Variants in GPC5 observed in about 807,000 individuals in gnomAD.
GPC5 encodes glypican 5, also known as glypican-5.
In GPC5, 47 loss-of-function variants were observed where a neutral mutation model predicts 53.9. The ratio of observed to expected loss-of-function variants is 0.87; its 90% confidence interval spans 0.69 to 1.11. GPC5 has a LOEUF of 1.11. Ranked by LOEUF, GPC5 falls within the 50% of genes most tolerant of loss-of-function variation. The pLI, the probability that GPC5 is intolerant of heterozygous loss-of-function variation, is 0.00. For missense variants in GPC5, 748 were observed against 713.1 expected, an observed-to-expected ratio of 1.05 and a Z score of -0.56; for synonymous variants, 286 against 263.3, an observed-to-expected ratio of 1.09 and a Z score of -0.84.
At chr13:92,729,992 T>C (rs1459643082) in intron 7 of GPC5, among the ~76,000 whole-genome samples, 2 of 151,464 alleles carry the variant, frequency 1.3e-5, no homozygotes, top group African/African-American at 2.4e-5. Flanking sequence ...TGATACTTAA[T>C]GTGTCTAAGG....
At chr13:92,099,407 G>A (rs142665080) in intron 6 of GPC5, among the ~76,000 whole-genome samples, 2,042 of 152,220 alleles carry the variant, frequency 0.013, 49 homozygotes, top group African/African-American at 0.047. Context: ...GCTCTTTAGT[G>A]TCTTTCTTTG....
intron 7 of GPC5, among the ~76,000 whole-genome samples, chr13:92,211,455 C>G (rs1242223875): frequency 6.6e-6 from 1 of 152,134 alleles, no homozygotes; most frequent in East Asian, 1.9e-4. Flanking sequence ...AAATCAAAAC[C>G]AACTGTGGTT....
In GPC5 at chr13:91,662,074, G is replaced by A. The variant is rs79484371; in HGVS notation, c.326-31113G>A. On this transcript the variant is annotated intron_variant, in intron 2 of 7. Coordinates refer to ENST00000377067, the MANE Select transcript of GPC5 (RefSeq NM_004466.6). ...GCTCACATATGGTATTTAAAGCTAT[G>A]AGATTGGATGAGATCATCAAAAAGT... is the stretch of plus-strand genomic sequence containing the variant. 7.5e-3 allele frequency among the ~76,000 whole-genome samples: 1,141 copies of A among 152,254 alleles called. 14 individuals are homozygous for A. The highest frequency in any genetic ancestry group is 0.026 in the African/African-American group (1,084 of 41,552).
chr13:92,470,512 C>A (rs1291337746), intron 7 of GPC5, among the ~76,000 whole-genome samples: 1 of 151,804 alleles, frequency 6.6e-6, no homozygotes, highest in East Asian at 1.9e-4. Context: ...CCTAAAACAT[C>A]CAGGTCTAAG....
intron 7 of GPC5, among the ~76,000 whole-genome samples, chr13:92,419,043 G>A (rs746521043): frequency 2.0e-5 from 3 of 152,132 alleles, no homozygotes; most frequent in Non-Finnish European, 4.4e-5. Context: ...TGCAAGGGAC[G>A]AGAAGACTGT....
intron 7 of GPC5, among the ~76,000 whole-genome samples, chr13:92,331,657 A>G (rs1280483476): frequency 6.8e-6 from 1 of 147,866 alleles, no homozygotes; most frequent in Non-Finnish European, 1.5e-5. Flanking sequence ...AATTTTTCTC[A>G]CAAATGATTA....
intron 4 of GPC5, among the ~76,000 whole-genome samples, chr13:91,739,759 A>G (rs1277805575): frequency 6.6e-6 from 1 of 151,402 alleles, no homozygotes; most frequent in Non-Finnish European, 1.5e-5. Context: ...CTCAGAAATC[A>G]CATACTATTG....
At chr13:91,976,142 G>T (rs966109521) in intron 6 of GPC5, among the ~76,000 whole-genome samples, 5 of 152,072 alleles carry the variant, frequency 3.3e-5, no homozygotes, top group Non-Finnish European at 5.9e-5. Context: ...GAGGGGGAAG[G>T]GATAGCATTA....
intron 6 of GPC5, among the ~76,000 whole-genome samples, chr13:92,012,716 TATC>T (rs2040672570): frequency 6.6e-6 from 1 of 152,240 alleles, no homozygotes; most frequent in South Asian, 2.1e-4. Context: ...TAATAATACT[TATC>T]ATATGTTTCT....
At chr13:92,470,269 C>T (rs1167482838) in intron 7 of GPC5, among the ~76,000 whole-genome samples, 1 of 152,046 alleles carries the variant, frequency 6.6e-6, no homozygotes, top group East Asian at 1.9e-4. Context: ...ATTATTTGCT[C>T]TGCAATAGTA....
intron 2 of GPC5, among the ~76,000 whole-genome samples, chr13:91,472,593 T>C (rs1256841996): frequency 2.0e-5 from 3 of 152,240 alleles, no homozygotes; most frequent in Admixed American, 6.5e-5. Flanking sequence ...GGGAACCCAA[T>C]TTTTTATTTT....
intron 6 of GPC5, among the ~76,000 whole-genome samples, chr13:92,004,560 G>A (rs1188077111): frequency 6.8e-6 from 1 of 146,862 alleles, no homozygotes; most frequent in African/African-American, 2.5e-5. Flanking sequence ...CATGCAATCA[G>A]AGTCATGGAT....
At chr13:92,111,583 C>T (rs200997446) in intron 6 of GPC5, among the ~76,000 whole-genome samples, 1 of 148,982 alleles carries the variant, frequency 6.7e-6, no homozygotes, top group Non-Finnish European at 1.5e-5. Flanking sequence ...CTCTGCCCCA[C>T]AAAAAAAAAA....
intron 1 of GPC5, among the ~76,000 whole-genome samples, chr13:91,404,919 C>G (rs1169852289): frequency 6.6e-6 from 1 of 152,172 alleles, no homozygotes; most frequent in Non-Finnish European, 1.5e-5. Context: ...AGAATAATTT[C>G]CTTTTTGAAA....
chr13:92,296,589 T>G (rs2043036128), intron 7 of GPC5, among the ~76,000 whole-genome samples: 1 of 152,072 alleles, frequency 6.6e-6, no homozygotes, highest in Admixed American at 6.5e-5. Flanking sequence ...TTCAGCCCCC[T>G]ACTGCACTGT....
At chr13:92,190,054 T>G (rs1231455618) in intron 7 of GPC5, among the ~76,000 whole-genome samples, 1 of 152,140 alleles carries the variant, frequency 6.6e-6, no homozygotes, top group African/African-American at 2.4e-5. Flanking sequence ...CTAGGCAGAT[T>G]ATGTACAAGC....
intron 7 of GPC5, among the ~76,000 whole-genome samples, chr13:92,660,891 T>G (rs2039372756): frequency 6.6e-6 from 1 of 152,108 alleles, no homozygotes; most frequent in Non-Finnish European, 1.5e-5. Flanking sequence ...ATTGAATTTT[T>G]ATTTTTTTAA....
Position 92,278,453 on chromosome 13 carries a change from G to A in GPC5, c.1561+133464G>A, listed in dbSNP as rs191162508. 9.2e-5 allele frequency among the ~76,000 whole-genome samples: 14 copies of A among 152,044 alleles called. No individual in the cohort carries two copies. The East Asian group carries it at 2.7e-3, about 29-fold the overall frequency. ...AAAAATATTACTTGATTCTTACAGA[G>A]AATACAAATGCCACAAAGTTAGCAT... On this transcript the variant is annotated intron_variant, in intron 7 of 7. Coordinates refer to ENST00000377067, the MANE Select transcript of GPC5 (RefSeq NM_004466.6).
chr13:92,553,646 C>T (rs1300529011), intron 7 of GPC5, among the ~76,000 whole-genome samples: 1 of 151,924 alleles, frequency 6.6e-6, no homozygotes, highest in Non-Finnish European at 1.5e-5. Context: ...TGTCTGACAG[C>T]TAAATCACAT....
Sources: gnomAD v4.1 joint callset for allele counts (sites outside exome capture counted in the v4.1 genomes callset) on GRCh38, gnomAD v4.1.1 for gene constraint, MANE v1.5 for transcripts, NCBI Gene and HGNC (gene_info 2026-07-23, HGNC 2026-07-21) for gene names.